Variants in SEZ6 observed in about 807,000 individuals in gnomAD.
SEZ6 encodes the protein seizure related 6 homolog, also known as seizure protein 6 homolog.
SEZ6 carries 53 observed loss-of-function variants against 101.0 expected under a neutral mutation model. That is an observed-to-expected ratio of 0.52 (90% CI 0.42 to 0.66). SEZ6 has a LOEUF of 0.66. Ranked by LOEUF, SEZ6 falls within the 30% of genes least tolerant of loss-of-function variation. The pLI is 0.00. For synonymous variants in SEZ6, 488 were observed against 512.2 expected, an observed-to-expected ratio of 0.95 and a Z score of 0.64; for missense variants, 1,102 against 1,289.4, an observed-to-expected ratio of 0.85 and a Z score of 2.23.
At chr17:28,962,500 TG>T (rs1467086242) in intron 5 of SEZ6, among the ~76,000 whole-genome samples, 1 of 152,190 alleles carries the variant, frequency 6.6e-6, no homozygotes, top group African/African-American at 2.4e-5. Flanking sequence ...GATTCATGGC[TG>T]GGTATGGTGG....
chr17:28,974,182 C>G (rs141152901), intron 3 of SEZ6, among the ~76,000 whole-genome samples: 2 of 152,316 alleles, frequency 1.3e-5, no homozygotes, highest in Non-Finnish European at 2.9e-5. Flanking sequence ...ACCAGTACAA[C>G]CCGGCATAGG....
intron 7 of SEZ6, 53 bp downstream of exon 7, chr17:28,960,452 C>T: frequency 6.4e-7 from 1 of 1,553,088 alleles, no homozygotes. Flanking sequence ...GACCCTAGGC[C>T]CGAGCCCATC....
At chr17:28,964,174 T>G in intron 4 of SEZ6, 27 bp from the exon 5 acceptor site, 3 of 1,551,612 alleles carry the variant, frequency 1.9e-6, no homozygotes, top group African/African-American at 2.7e-5. Context: ...GGTGACACTG[T>G]GTATGTGTGC....
intron 3 of SEZ6, among the ~76,000 whole-genome samples, chr17:28,972,079 C>T (rs1042437702): frequency 5.3e-5 from 8 of 152,358 alleles, no homozygotes; most frequent in African/African-American, 1.2e-4. Context: ...TGGGACTCTG[C>T]GGGGGCAATA....
chr17:28,968,545 C>T (rs2041104370), intron 4 of SEZ6, among the ~76,000 whole-genome samples: 1 of 152,244 alleles, frequency 6.6e-6, no homozygotes, highest in Non-Finnish European at 1.5e-5. Context: ...GCTGGGCCGC[C>T]TAGACGTTTC....
chr17:28,956,579 G>A, intron 14 of SEZ6, 112 bp from the exon 15 acceptor site: 3 of 1,473,878 alleles, frequency 2.0e-6, no homozygotes, highest in African/African-American at 1.4e-5. Flanking sequence ...CTGGCTGGGT[G>A]TAGGGAAGGA....
In SEZ6 at chr17:28,960,515, C is replaced by T; in HGVS notation, c.1566G>A (p.Leu522=). The T allele has an allele frequency of 6.3e-7, 1 of 1,592,138 alleles. No individual in the cohort carries two copies. The change falls in exon 7 of 17, where the codon CTG becomes CTA. Residue 522 remains leucine (L), a synonymous_variant. Transcript: ENST00000317338. ...CCCCAGCAGGCTCACCCTCATAGCG[C>T]AGGGCCATGCCTGCAGCTGCCCCGC... The part of the protein sequence containing the change: ...DSSGAAAGMA[L]RYEAFQQGHC...
At chr17:28,994,722 T>C (rs1868789137) in intron 1 of SEZ6, among the ~76,000 whole-genome samples, 1 of 151,616 alleles carries the variant, frequency 6.6e-6, no homozygotes, top group African/African-American at 2.4e-5. Flanking sequence ...TTACTGACTT[T>C]TTAGAGAGTC....
At position 28,963,951 on chromosome 17, in the gene SEZ6, T is replaced by TG. The variant is rs11450637; in HGVS notation, c.1240+10dup. On this transcript the variant is annotated intron_variant, in intron 5 of 16. Coordinates refer to ENST00000317338, the MANE Select transcript of SEZ6 (RefSeq NM_178860.5). ...CTGCTCAGCACTGAGCCCTTTCCCCTGGGCACTCACCGATGCAGACGGGCT... is the reference window on the plus strand; with the variant it reads ...CTGCTCAGCACTGAGCCCTTTCCCCTGGGGCACTCACCGATGCAGACGGGCT... 0.53 allele frequency: 842,597 copies of TG among 1,604,148 alleles called. 228,868 individuals carry two copies. Among genetic ancestry groups the TG allele is most frequent in the African/African-American group, 0.91 (68,037 of 74,846 alleles).
intron 1 of SEZ6, among the ~76,000 whole-genome samples, chr17:29,002,587 C>A (rs1283221877): frequency 6.6e-6 from 1 of 152,182 alleles, no homozygotes; most frequent in Non-Finnish European, 1.5e-5. Context: ...TGTGCTCCTG[C>A]CTGCCATGTC....
intron 1 of SEZ6, among the ~76,000 whole-genome samples, chr17:28,985,920 A>T (rs1273822392): frequency 6.6e-6 from 1 of 152,184 alleles, no homozygotes; most frequent in Non-Finnish European, 1.5e-5. Flanking sequence ...AGAACACAGG[A>T]TGCACTCCGC....
At chr17:28,994,700 C>T (rs186847033) in intron 1 of SEZ6, among the ~76,000 whole-genome samples, 105 of 152,088 alleles carry the variant, frequency 6.9e-4, no homozygotes, top group Non-Finnish European at 1.3e-3. Flanking sequence ...TAAGCCACCG[C>T]GTCCGGCCCG....
intron 3 of SEZ6, among the ~76,000 whole-genome samples, chr17:28,971,937 G>C (rs2041156790): frequency 6.6e-6 from 1 of 152,244 alleles, no homozygotes; most frequent in African/African-American, 2.4e-5. Context: ...ATCTCCTGCT[G>C]ATTTCAGATT....
At chr17:28,962,335 C>T (rs2040990286) in intron 5 of SEZ6, among the ~76,000 whole-genome samples, 1 of 152,236 alleles carries the variant, frequency 6.6e-6, no homozygotes, top group South Asian at 2.1e-4. Flanking sequence ...ATCCCTTGGG[C>T]TCCTCCACCA....
At chr17:28,988,917 A>G (rs1225952626) in intron 1 of SEZ6, among the ~76,000 whole-genome samples, 1 of 152,214 alleles carries the variant, frequency 6.6e-6, no homozygotes, top group Admixed American at 6.5e-5. Flanking sequence ...AACTACTGGG[A>G]AGAGTGAACC....
intron 1 of SEZ6, among the ~76,000 whole-genome samples, chr17:28,991,676 T>G (rs918976672): frequency 2.6e-5 from 4 of 152,152 alleles, no homozygotes; most frequent in Non-Finnish European, 5.9e-5. Flanking sequence ...CTTTCGGGTC[T>G]GGGAAAACTG....
chr17:28,983,840 C>T (rs1024461183), intron 1 of SEZ6, among the ~76,000 whole-genome samples: 3 of 152,054 alleles, frequency 2.0e-5, no homozygotes, highest in Non-Finnish European at 4.4e-5. Flanking sequence ...GTGGGGCTGT[C>T]ATTCCAGAGG....
intron 3 of SEZ6, among the ~76,000 whole-genome samples, chr17:28,976,571 C>A (rs1170209751): frequency 6.6e-6 from 1 of 152,182 alleles, no homozygotes; most frequent in Admixed American, 6.5e-5. Context: ...TCTCCCCAAG[C>A]CTGAGGAGCC....
intron 1 of SEZ6, among the ~76,000 whole-genome samples, chr17:29,002,247 T>C (rs1353071766): frequency 1.3e-5 from 2 of 152,096 alleles, no homozygotes; most frequent in Non-Finnish European, 2.9e-5. Context: ...CACAGGAAGC[T>C]GGAGGGCCTG....
Sources: gnomAD v4.1 joint callset for allele counts (sites outside exome capture counted in the v4.1 genomes callset) on GRCh38, gnomAD v4.1.1 for gene constraint, MANE v1.5 for transcripts, NCBI Gene and HGNC (gene_info 2026-07-23, HGNC 2026-07-21) for gene names.